GC: variants seen among roughly 807,000 people sequenced by gnomAD.
The protein encoded by GC is vitamin D-binding protein.
Under a neutral mutation model 56.7 loss-of-function variants are expected in GC, and 43 were observed. The observed-to-expected ratio is 0.76, with a 90% CI of 0.59 to 0.98. The LOEUF (loss-of-function observed/expected upper bound fraction) is 0.98. Ranked by LOEUF, GC falls within the 50% of genes least tolerant of loss-of-function variation. The pLI is 0.00. For missense variants in GC, 529 were observed against 545.9 expected, an observed-to-expected ratio of 0.97 and a Z score of 0.31; for synonymous variants, 216 against 202.7, an observed-to-expected ratio of 1.07 and a Z score of -0.56.
exon 1 of GC, chr4:71,803,928 C>G: frequency 1.3e-6 from 2 of 1,499,128 alleles, no homozygotes; most frequent in Non-Finnish European, 1.8e-6. Flanking sequence ...CGCAGTACCT[C>G]ACTCCAAGAC....
chr4:71,751,272 A>G (rs1338304368), intron 11 of GC, among the ~76,000 whole-genome samples: 1 of 152,144 alleles, frequency 6.6e-6, no homozygotes, highest in African/African-American at 2.4e-5. Context: ...GACACTTGAA[A>G]TCTCAGAAGT....
At chr4:71,800,429 G>T (rs1283249963) in intron 1 of GC, among the ~76,000 whole-genome samples, 2 of 152,192 alleles carry the variant, frequency 1.3e-5, no homozygotes, top group Admixed American at 1.3e-4. Flanking sequence ...TTTTATGGCT[G>T]CATAGTATCC....
At chr4:71,798,607 C>T (rs950020080) in intron 1 of GC, among the ~76,000 whole-genome samples, 1 of 152,180 alleles carries the variant, frequency 6.6e-6, no homozygotes, top group African/African-American at 2.4e-5. Flanking sequence ...TGGGGGGACT[C>T]ATTCTCCAAA....
intron 12 of GC, among the ~76,000 whole-genome samples, chr4:71,745,613 T>C (rs1026138025): frequency 2.0e-5 from 3 of 151,502 alleles, no homozygotes; most frequent in African/African-American, 7.3e-5. Flanking sequence ...TCGGCGGGGG[T>C]GCTCTTCAGT....
chr4:71,795,058 A>G (rs889456056), intron 1 of GC, among the ~76,000 whole-genome samples: 3 of 152,076 alleles, frequency 2.0e-5, no homozygotes, highest in African/African-American at 7.2e-5. Flanking sequence ...TACATTTGCT[A>G]GGAAGTGTTT....
intron 9 of GC, among the ~76,000 whole-genome samples, 178 bp downstream of exon 9, chr4:71,754,800 G>T (rs766130195): frequency 5.9e-5 from 9 of 152,156 alleles, no homozygotes; most frequent in Non-Finnish European, 1.3e-4. Context: ...ATTTTCATGG[G>T]TCATGAGATA....
chr4:71,804,121 T>A (rs1376419164), upstream of GC: 21 of 634,718 alleles, frequency 3.3e-5, no homozygotes, highest in Admixed American at 3.5e-4. Context: ...GCCAGGTCTG[T>A]CCCACAGACC....
Position 71,756,764 on chromosome 4 carries a change from A to C in GC, c.982T>G (p.Leu328Val), listed in dbSNP as rs761772923. ...AQLPELPDVELPTNKDVCDPG... is the reference protein window; with the variant it reads ...AQLPELPDVEVPTNKDVCDPG... Reference sequence around the variant, plus strand: ...TCACACACATCTTTGTTTGTGGGCAACTCTACATCTGGAAGCTCGGGGAGT... The same window carrying C: ...TCACACACATCTTTGTTTGTGGGCACCTCTACATCTGGAAGCTCGGGGAGT... The change falls in exon 8 of 13, where the codon TTG becomes GTG. Residue 328 changes from leucine to valine, a missense_variant. Coordinates refer to ENST00000273951, the MANE Select transcript of GC (RefSeq NM_000583.4). 2.2e-5 allele frequency: 36 copies of C among 1,613,942 alleles called. No individual in the cohort carries two copies. Among genetic ancestry groups the C allele is most frequent in the Non-Finnish European group, 2.5e-5 (30 of 1,179,910 alleles).
chr4:71,747,375 GA>G (rs918373924), intron 11 of GC, among the ~76,000 whole-genome samples: 2 of 151,844 alleles, frequency 1.3e-5, no homozygotes, highest in Non-Finnish European at 2.9e-5. Context: ...GAAGAACAAG[GA>G]AAAAACTCTG....
Position 71,765,441 on chromosome 4 carries a change from T to C in GC, c.464A>G (p.Tyr155Cys). ...TGATGAAGGCACTCACTGATTAGCA[T>C]ATTCCTTTGGATCTTTCCTGAACGC... is the stretch of plus-strand genomic sequence containing the variant. ...CEAFRKDPKE[Y>C]ANQFMWEYST... The change falls in exon 4 of 13, where the codon TAT becomes TGT. Residue 155 changes from tyrosine to cysteine, a missense_variant. Transcript: ENST00000273951. The C allele has an allele frequency of 6.2e-7, 1 of 1,612,740 alleles. No individual in the cohort carries two copies.
chr4:71,764,227 C>T (rs536769496), intron 4 of GC, among the ~76,000 whole-genome samples: 13 of 152,198 alleles, frequency 8.5e-5, no homozygotes, highest in Admixed American at 4.6e-4. Flanking sequence ...AGTGATCCTC[C>T]GACCTCAGCC....
In GC at chr4:71,763,941, G is replaced by A. The variant is rs1187344716; in HGVS notation, c.474-5C>T. 1.2e-6 allele frequency: 2 copies of A among 1,603,434 alleles called. No homozygotes were observed. The highest frequency in any genetic ancestry group is 2.2e-5 in the East Asian group (1 of 44,852). ...GTGGAATATTCCCACATAAATCTGT[G>A]GAGGAAAAAATAGAATTGGTCAAAA... is the stretch of plus-strand genomic sequence containing the variant. On this transcript the variant is annotated splice_polypyrimidine_tract_variant and splice_region_variant and intron_variant, in intron 4 of 12. Coordinates refer to ENST00000273951, the MANE Select transcript of GC (RefSeq NM_000583.4).
intron 3 of GC, among the ~76,000 whole-genome samples, chr4:71,767,172 A>G (rs1742183347): frequency 6.6e-6 from 1 of 152,318 alleles, no homozygotes; most frequent in Non-Finnish European, 1.5e-5. Context: ...AATGGGTAAG[A>G]ATATTCATTG....
upstream of GC, chr4:71,784,181 A>C: frequency 7.6e-7 from 1 of 1,316,422 alleles, no homozygotes; most frequent in Non-Finnish European, 9.8e-7. Flanking sequence ...ACACAGAAGC[A>C]AGGGGCTGTT....
At chr4:71,767,201 C>G (rs995209838) in intron 3 of GC, among the ~76,000 whole-genome samples, 18 of 152,122 alleles carry the variant, frequency 1.2e-4, no homozygotes, top group South Asian at 4.1e-4. Flanking sequence ...CTATTCTAAT[C>G]AGATCTTTGG....
intron 6 of GC, among the ~76,000 whole-genome samples, chr4:71,758,459 C>T (rs1741857983): frequency 6.6e-6 from 1 of 152,124 alleles, no homozygotes; most frequent in Non-Finnish European, 1.5e-5. Flanking sequence ...TCTAAAGCAT[C>T]AATGAAGAAG....
chr4:71,797,834 C>T (rs1389277007), intron 1 of GC, among the ~76,000 whole-genome samples: 2 of 152,200 alleles, frequency 1.3e-5, no homozygotes, highest in East Asian at 1.9e-4. Flanking sequence ...TTATATCTGT[C>T]TTGATAAGGG....
In GC at chr4:71,779,944, TA is replaced by T. The variant is rs566397730; in HGVS notation, c.58+4016del. ...TCTTGCAGTTTTATATCATGTTTAA[TA>T]AAAAAAAATGCTGTGAATGAAATGC... On this transcript the variant is annotated intron_variant, in intron 1 of 12. Coordinates refer to ENST00000273951, the MANE Select transcript of GC (RefSeq NM_000583.4). Among the ~76,000 whole-genome samples, 594 of 150,988 alleles carry T rather than the reference TA, an allele frequency of 3.9e-3. 4 individuals carry two copies. The highest frequency in any genetic ancestry group is 0.014 in the Middle Eastern group (4 of 292).
intron 1 of GC, among the ~76,000 whole-genome samples, chr4:71,795,280 T>G (rs1743070163): frequency 6.6e-6 from 1 of 152,186 alleles, no homozygotes; most frequent in Admixed American, 6.5e-5. Context: ...CCATTATTAT[T>G]GTGTGGGAGT....
Sources: allele counts gnomAD v4.1 joint callset (sites outside exome capture counted in the v4.1 genomes callset), GRCh38; gene constraint gnomAD v4.1.1; transcripts MANE v1.5; gene names NCBI Gene and HGNC (gene_info 2026-07-23, HGNC 2026-07-21).